The following PHF8 variants were observed in gnomAD, a reference collection of about 807,000 sequenced individuals.
PHF8 encodes PHD finger protein 8.
Under a neutral mutation model 74.4 loss-of-function variants are expected in PHF8, and 9 were observed. That is an observed-to-expected ratio of 0.12 (90% confidence interval 0.07 to 0.21). The LOEUF is 0.21. PHF8 is among the 10% of genes least tolerant of loss of function. The pLI is 1.00. For synonymous variants in PHF8, 311 were observed against 316.6 expected, an observed-to-expected ratio of 0.98 and a Z score of 0.19; for missense variants, 478 against 816.6, an observed-to-expected ratio of 0.59 and a Z score of 5.05.
At chrX:54,000,222 GAGGCAAAGT>G (rs1425149423) in intron 10 of PHF8, among the ~76,000 whole-genome samples, 17 of 111,930 alleles carry the variant, frequency 1.5e-4, no homozygotes, top group Non-Finnish European at 7.5e-5. Context: ...GAGGTTCAGA[GAGGCAAAGT>G]CAAGACCCAG....
intron 18 of PHF8, among the ~76,000 whole-genome samples, chrX:53,970,035 A>G (rs782046219): frequency 1.8e-5 from 2 of 112,432 alleles, no homozygotes; most frequent in South Asian, 7.3e-4. Flanking sequence ...ACAAGAAAAT[A>G]CTGGGGAAAT....
At chrX:53,967,343 C>G (rs1557093218) in intron 18 of PHF8, among the ~76,000 whole-genome samples, 1 of 104,367 alleles carries the variant, frequency 9.6e-6, no homozygotes, top group African/African-American at 3.6e-5. Context: ...GCCCGGCCAG[C>G]CGCCCCGTCC....
At chrX:54,023,590 G>A (rs2066212792) in intron 2 of PHF8, among the ~76,000 whole-genome samples, 3 of 109,523 alleles carry the variant, frequency 2.7e-5, no homozygotes, top group African/African-American at 9.9e-5. Flanking sequence ...ACCTAGGCCA[G>A]TCACAGTGGC....
chrX:54,045,160 C>T, upstream of PHF8: 1 of 317,037 alleles, frequency 3.2e-6, no homozygotes, highest in Non-Finnish European at 5.5e-6. Flanking sequence ...CACTTCAGTT[C>T]AAATACAGTT....
chrX:53,974,130 G>A (rs1557095374), intron 18 of PHF8, among the ~76,000 whole-genome samples: 1 of 110,541 alleles, frequency 9.0e-6, no homozygotes, highest in African/African-American at 3.3e-5. Flanking sequence ...CGTGGTGGCA[G>A]GCGCCTGTAG....
intron 18 of PHF8, among the ~76,000 whole-genome samples, chrX:53,969,222 G>A (rs1224778898): frequency 9.0e-6 from 1 of 110,810 alleles, no homozygotes; most frequent in Non-Finnish European, 1.9e-5. Context: ...GTGACAGAAC[G>A]AGACTCTGTC....
At chrX:53,961,312 A>G (rs1244468807) in intron 19 of PHF8, among the ~76,000 whole-genome samples, 1 of 105,253 alleles carries the variant, frequency 9.5e-6, no homozygotes, top group Non-Finnish European at 1.9e-5. Context: ...CATGAGCCAC[A>G]CTGCACCTAG....
chrX:54,037,454 C>T (rs144589705), intron 2 of PHF8, among the ~76,000 whole-genome samples: 3,245 of 111,141 alleles, frequency 0.029, 129 homozygotes, highest in African/African-American at 0.1. Flanking sequence ...ACCATGTTGC[C>T]CAGGCTGGTT....
In PHF8 at chrX:54,032,319, T is replaced by C. The variant is rs2066372914; in HGVS notation, c.99-9476A>G. 2.7e-5 allele frequency among the ~76,000 whole-genome samples: 3 copies of C among 110,957 alleles called. No individual in the cohort carries two copies. The South Asian group carries it at 1.1e-3, about 42-fold the overall frequency. On this transcript the variant is annotated intron_variant, in intron 2 of 21. Transcript: ENST00000338154. Reference sequence around the variant, plus strand: ...GCTGATCCTGCTGGTCTGGGAACCATACTTGGAAAATCACTGCTGTATATG... The same window carrying C: ...GCTGATCCTGCTGGTCTGGGAACCACACTTGGAAAATCACTGCTGTATATG...
intron 2 of PHF8, among the ~76,000 whole-genome samples, chrX:54,034,632 G>A (rs1193405596): frequency 9.1e-6 from 1 of 109,875 alleles, no homozygotes; most frequent in Non-Finnish European, 1.9e-5. Context: ...AGACCAGCCT[G>A]GCCAAGATGG....
chrX:53,978,146 C>G, intron 18 of PHF8, among the ~76,000 whole-genome samples: 1 of 108,618 alleles, frequency 9.2e-6, no homozygotes, highest in South Asian at 4.2e-4. Context: ...CAGGGTTTGA[C>G]CATATTGGCC....
chrX:54,025,135 C>CA (rs1193238218), intron 2 of PHF8, among the ~76,000 whole-genome samples: 1 of 111,584 alleles, frequency 9.0e-6, no homozygotes, highest in Middle Eastern at 4.2e-3. Flanking sequence ...CTCGGCCTCC[C>CA]AAAGTGCTGG....
chrX:53,997,028 G>A (rs1315620158), intron 11 of PHF8, among the ~76,000 whole-genome samples: 1 of 112,666 alleles, frequency 8.9e-6, no homozygotes, highest in Non-Finnish European at 1.9e-5. Flanking sequence ...GGCACAGACT[G>A]AGAGAAAATA....
intron 14 of PHF8, among the ~76,000 whole-genome samples, chrX:53,991,590 A>G (rs146367364): frequency 0.1 from 10,071 of 100,694 alleles, 922 homozygotes; most frequent in African/African-American, 0.28. Context: ...TGAACCGAGC[A>G]GGGCAGAGGT....
chrX:53,950,714 A>G (rs1381222206), intron 19 of PHF8, among the ~76,000 whole-genome samples: 2 of 112,630 alleles, frequency 1.8e-5, no homozygotes, highest in Non-Finnish European at 3.7e-5. Context: ...CAGTGTGCAC[A>G]CACAAAAAAG....
chrX:53,992,973 C>T, intron 13 of PHF8, 134 bp from the exon 14 acceptor site: 1 of 504,916 alleles, frequency 2.0e-6, no homozygotes, highest in South Asian at 2.6e-5. Context: ...TATACTGTCC[C>T]CCCATACCCC....
chrX:53,941,965 A>G (rs1218050177), intron 20 of PHF8, among the ~76,000 whole-genome samples: 1 of 111,518 alleles, frequency 9.0e-6, no homozygotes, highest in Non-Finnish European at 1.9e-5. Flanking sequence ...CAGGAACTGC[A>G]TTTCTGTCCC....
chrX:54,002,568 T>A (rs1557104426), intron 9 of PHF8, 27 bp downstream of exon 9: 1 of 1,014,881 alleles, frequency 9.9e-7, no homozygotes, highest in Non-Finnish European at 1.4e-6. Context: ...ATGGCCAACA[T>A]AGAATCACCA....
chrX:54,033,684 A>AG (rs2066400642), intron 2 of PHF8, among the ~76,000 whole-genome samples: 1 of 111,109 alleles, frequency 9.0e-6, no homozygotes, highest in Non-Finnish European at 1.9e-5. Flanking sequence ...ATTGCACTCC[A>AG]GCCTGGGCAA....
Sources: allele counts gnomAD v4.1 joint callset (sites outside exome capture counted in the v4.1 genomes callset), GRCh38; gene constraint gnomAD v4.1.1; transcripts MANE v1.5; gene names NCBI Gene and HGNC (gene_info 2026-07-23, HGNC 2026-07-21).